The following GFPT1 variants were observed in gnomAD, a reference collection of about 807,000 sequenced individuals.
The protein encoded by GFPT1 is glutamine--fructose-6-phosphate transaminase 1, also known as glutamine--fructose-6-phosphate aminotransferase [isomerizing] 1.
Under a neutral mutation model 92.0 loss-of-function variants are expected in GFPT1, and 40 were observed. That is an observed-to-expected ratio of 0.43 (90% CI 0.34 to 0.57). The LOEUF (loss-of-function observed/expected upper bound fraction) is 0.57. Ranked by LOEUF, GFPT1 falls within the 20% of genes least tolerant of loss-of-function variation. The pLI is 0.02. For missense variants in GFPT1, 448 were observed against 869.1 expected, an observed-to-expected ratio of 0.52 and a Z score of 6.09; for synonymous variants, 269 against 280.6, an observed-to-expected ratio of 0.96 and a Z score of 0.41.
chr2:69,367,210 G>C (rs1356345681), intron 3 of GFPT1, among the ~76,000 whole-genome samples: 1 of 152,148 alleles, frequency 6.6e-6, no homozygotes, highest in African/African-American at 2.4e-5. Context: ...ATAAATGATA[G>C]TACCGTTTTG....
At chr2:69,344,829 T>G (rs542171077) in intron 12 of GFPT1, among the ~76,000 whole-genome samples, 2 of 151,544 alleles carry the variant, frequency 1.3e-5, no homozygotes, top group Middle Eastern at 3.2e-3. Flanking sequence ...AAATTTTTAG[T>G]AAAAAGGAGG....
intron 15 of GFPT1, chr2:69,334,728 A>G (rs556567387): frequency 6.6e-6 from 1 of 152,246 alleles, no homozygotes; most frequent in South Asian, 2.1e-4. Context: ...GAAAGAAGCT[A>G]GACACACAAG....
rs958153796 is a variant in GFPT1 at position 69,321,445 on chromosome 2, GTACAA to G, written c.*4739_*4743del. 6.6e-6 allele frequency: 1 copy of G among 152,202 alleles called. No individual in the cohort carries two copies. Among genetic ancestry groups the G allele is most frequent in the African/African-American group, 2.4e-5 (1 of 41,520 alleles). 9.4% of individuals were successfully genotyped at this position (152,202 alleles called of 1,614,324 possible). A position where few individuals can be genotyped will look rare whatever the true frequency, so the allele number is the denominator to read the frequency against. On this transcript the variant is annotated 3_prime_UTR_variant, in exon 20 of 20. Coordinates refer to ENST00000357308, the MANE Select transcript of GFPT1 (RefSeq NM_001244710.2). ...AAAGTAGACATTGATTACATTCTTA[GTACAA>G]TACAATTTCTAACATAACTACAAAT...
chr2:69,360,003 T>A (rs1034999120), intron 4 of GFPT1, among the ~76,000 whole-genome samples: 3 of 152,096 alleles, frequency 2.0e-5, no homozygotes, highest in Admixed American at 6.6e-5. Flanking sequence ...GTTGACAATA[T>A]CATTATTTGT....
At chr2:69,354,897 G>A (rs988270598) in intron 7 of GFPT1, among the ~76,000 whole-genome samples, 3 of 151,976 alleles carry the variant, frequency 2.0e-5, no homozygotes, top group Admixed American at 1.3e-4. Context: ...TCAGCTACTC[G>A]GAAGGCTGAG....
At chr2:69,379,869 G>A (rs1671965461) in intron 1 of GFPT1, among the ~76,000 whole-genome samples, 1 of 151,958 alleles carries the variant, frequency 6.6e-6, no homozygotes, top group Non-Finnish European at 1.5e-5. Context: ...ACAGACGTAA[G>A]CTACCACGCC....
At chr2:69,331,346 T>A (rs1558730631) in intron 15 of GFPT1, among the ~76,000 whole-genome samples, 1 of 152,196 alleles carries the variant, frequency 6.6e-6, no homozygotes, top group East Asian at 1.9e-4. Context: ...TTATTCAAAT[T>A]GGTTTTAAGA....
At chr2:69,363,790 T>A in intron 3 of GFPT1, 120 bp from the exon 4 acceptor site, 1 of 772,300 alleles carries the variant, frequency 1.3e-6, no homozygotes, top group Non-Finnish European at 2.2e-6. Flanking sequence ...TCACTGAAAC[T>A]AAAGATCAGG....
chr2:69,329,521 C>T (rs915120907), intron 16 of GFPT1, 97 bp from the exon 17 acceptor site: 22 of 1,034,106 alleles, frequency 2.1e-5, no homozygotes, highest in African/African-American at 4.8e-5. Context: ...TTCTATTCCT[C>T]TGTGCTATCA....
chr2:69,346,686 A>G (rs913198068), intron 11 of GFPT1, among the ~76,000 whole-genome samples: 1 of 152,006 alleles, frequency 6.6e-6, no homozygotes, highest in African/African-American at 2.4e-5. Flanking sequence ...TAAAGCAAAA[A>G]ATCTGACATA....
chr2:69,348,447 G>A, intron 10 of GFPT1, 113 bp from the exon 11 acceptor site: 1 of 872,858 alleles, frequency 1.1e-6, no homozygotes, highest in Non-Finnish European at 1.9e-6. Context: ...TCACTCTGCA[G>A]TATCTCAGAG....
chr2:69,329,259 T>C, intron 17 of GFPT1, 38 bp downstream of exon 17: 1 of 1,601,120 alleles, frequency 6.2e-7, no homozygotes, highest in Non-Finnish European at 8.6e-7. Context: ...GGTCTGCAGG[T>C]CAATGGACTG....
chr2:69,332,462 C>T (rs936748805), intron 15 of GFPT1, among the ~76,000 whole-genome samples: 1 of 151,626 alleles, frequency 6.6e-6, no homozygotes, highest in African/African-American at 2.4e-5. Flanking sequence ...TACAGGCGCC[C>T]GCCACCATGC....
intron 12 of GFPT1, among the ~76,000 whole-genome samples, chr2:69,344,660 T>C (rs1431018177): frequency 6.6e-6 from 1 of 151,976 alleles, no homozygotes; most frequent in African/African-American, 2.4e-5. Flanking sequence ...TTTTTTATTT[T>C]TTTTTTTTGA....
At chr2:69,349,604 C>T (rs1671160130) in intron 10 of GFPT1, among the ~76,000 whole-genome samples, 1 of 152,166 alleles carries the variant, frequency 6.6e-6, no homozygotes, top group Non-Finnish European at 1.5e-5. Flanking sequence ...TGCATTTTCT[C>T]TCAAAATATC....
At chr2:69,330,938 A>C (rs555524072) in intron 15 of GFPT1, among the ~76,000 whole-genome samples, 2 of 152,336 alleles carry the variant, frequency 1.3e-5, no homozygotes, top group East Asian at 3.9e-4. Flanking sequence ...GACAAATGTA[A>C]CGCATTCAGT....
intron 1 of GFPT1, among the ~76,000 whole-genome samples, chr2:69,379,530 T>C (rs1227048180): frequency 2.0e-5 from 3 of 151,900 alleles, no homozygotes; most frequent in Non-Finnish European, 4.4e-5. Flanking sequence ...TTAAGTATTA[T>C]TTGAGATACA....
intron 4 of GFPT1, 63 bp downstream of exon 4, chr2:69,363,482 T>A (rs1671524518): frequency 1.3e-6 from 2 of 1,497,706 alleles, no homozygotes; most frequent in Admixed American, 3.3e-5. Flanking sequence ...TCTAAAAGCC[T>A]TCATTCTGCC....
intron 13 of GFPT1, among the ~76,000 whole-genome samples, chr2:69,341,781 A>G (rs1170406909): frequency 2.0e-5 from 3 of 152,202 alleles, no homozygotes; most frequent in African/African-American, 7.2e-5. Flanking sequence ...AGGTTCACAC[A>G]TGATGCAGGC....
Sources: gnomAD v4.1 joint callset for allele counts (sites outside exome capture counted in the v4.1 genomes callset) on GRCh38, gnomAD v4.1.1 for gene constraint, MANE v1.5 for transcripts, NCBI Gene and HGNC (gene_info 2026-07-23, HGNC 2026-07-21) for gene names.